Variants in SCML4 observed in about 807,000 individuals in gnomAD.
SCML4 encodes sex comb on midleg-like protein 4.
SCML4 carries 34 observed loss-of-function variants against 41.1 expected under a neutral mutation model. The observed-to-expected ratio is 0.83, with a 90% CI of 0.63 to 1.10. The LOEUF (loss-of-function observed/expected upper bound fraction) is 1.10. SCML4 is among the 50% of genes least tolerant of loss of function. The pLI is 0.00. For synonymous variants in SCML4, 214 were observed against 220.9 expected (o/e 0.97, Z 0.28); for missense variants, 522 against 534.1 (o/e 0.98, Z 0.22).
chr6:107,831,260 G>T, the SCML4 span, among the ~76,000 whole-genome samples: 3 of 152,016 alleles, frequency 2.0e-5, no homozygotes, highest in African/African-American at 7.2e-5. Context: ...CTAGAATAAA[G>T]ATGTTGATCA....
chr6:107,775,645 T>C (rs1301507506), intron 1 of SCML4, among the ~76,000 whole-genome samples: 1 of 152,212 alleles, frequency 6.6e-6, no homozygotes. Context: ...ATAAGATTAT[T>C]TTATTTTGGG....
At chr6:107,742,382 T>C (rs1777666021) in intron 5 of SCML4, among the ~76,000 whole-genome samples, 1 of 152,068 alleles carries the variant, frequency 6.6e-6, no homozygotes, top group Non-Finnish European at 1.5e-5. Context: ...TTCAAATAAA[T>C]AATAACAGAA....
At chr6:107,843,628 C>A in the SCML4 span, among the ~76,000 whole-genome samples, 1,054 of 152,300 alleles carry the variant, frequency 6.9e-3, 7 homozygotes, top group Middle Eastern at 0.014. Flanking sequence ...CTGGCCCTGC[C>A]GGTAACATTT....
chr6:107,795,958 C>T (rs184476789), intron 1 of SCML4, among the ~76,000 whole-genome samples: 1 of 152,338 alleles, frequency 6.6e-6, no homozygotes, highest in Non-Finnish European at 1.5e-5. Context: ...TACCCTTTTG[C>T]ATCTGGCTTT....
Position 107,707,286 on chromosome 6 carries a change from C to T in SCML4, c.1119+580G>A, listed in dbSNP as rs550673618. Among the ~76,000 whole-genome samples, 12 of 152,118 alleles carry T rather than the reference C, an allele frequency of 7.9e-5. 1 individual carries two copies. The highest frequency in any genetic ancestry group is 6.2e-4 in the South Asian group (3 of 4,814). ...TCGCACTACTGCATTCCAGCCTGGG[C>T]GACAGAATGAGACTCCGTCTCAAAC... On this transcript the variant is annotated intron_variant, in intron 7 of 7. Coordinates refer to ENST00000369020, the MANE Select transcript of SCML4 (RefSeq NM_198081.5).
chr6:107,759,368 A>ATACACACATACATAC (rs61536006), intron 2 of SCML4, among the ~76,000 whole-genome samples: 1 of 149,010 alleles, frequency 6.7e-6, no homozygotes, highest in Non-Finnish European at 1.5e-5. Flanking sequence ...TACATACATA[A>ATACACACATACATAC]GGCTGCTGTT....
chr6:107,810,774 C>T (rs959384607), intron 1 of SCML4, among the ~76,000 whole-genome samples: 1 of 152,040 alleles, frequency 6.6e-6, no homozygotes, highest in Non-Finnish European at 1.5e-5. Context: ...ATATTGAAGT[C>T]GTAACTCCCA....
chr6:107,808,412 G>A (rs1450642277), intron 1 of SCML4, among the ~76,000 whole-genome samples: 2 of 150,350 alleles, frequency 1.3e-5, no homozygotes, highest in African/African-American at 5.0e-5. Context: ...GAAGAGTGCT[G>A]GTTTGTTTTT....
At chr6:107,802,750 G>A (rs924162319) in intron 1 of SCML4, among the ~76,000 whole-genome samples, 5 of 121,652 alleles carry the variant, frequency 4.1e-5, no homozygotes, top group Non-Finnish European at 6.5e-5. Context: ...CTCTCCCCAC[G>A]GTCTCCCTCT....
At chr6:107,827,246 A>C (rs1785293128), upstream of SCML4, among the ~76,000 whole-genome samples, 1 of 145,866 alleles carries the variant, frequency 6.9e-6, no homozygotes, top group Admixed American at 6.8e-5. Flanking sequence ...ATTTAAATAT[A>C]TTTACATTTT....
chr6:107,835,763 CAAAA>C, the SCML4 span, among the ~76,000 whole-genome samples: 1 of 86,376 alleles, frequency 1.2e-5, no homozygotes, highest in African/African-American at 4.8e-5. Context: ...GACCCCATCT[CAAAA>C]AAAAAAAAAA....
intron 3 of SCML4, among the ~76,000 whole-genome samples, chr6:107,747,717 T>C (rs1033595463): frequency 2.0e-5 from 3 of 152,092 alleles, no homozygotes; most frequent in Non-Finnish European, 2.9e-5. Context: ...TTATGAATTT[T>C]GCAATTAAAG....
intron 5 of SCML4, among the ~76,000 whole-genome samples, chr6:107,729,786 A>C (rs1443192389): frequency 6.6e-6 from 1 of 152,240 alleles, no homozygotes; most frequent in African/African-American, 2.4e-5. Flanking sequence ...GTGGTAAATT[A>C]ATATTTGGAA....
In SCML4 at chr6:107,768,894, T is replaced by C. The variant is rs548420592; in HGVS notation, c.156+3278A>G. ...TGAAATCCCACTATTAGAGGCATTA[T>C]AACCAGCTGGCTCAACAGAATGGAA... On this transcript the variant is annotated intron_variant, in intron 2 of 7. Transcript: ENST00000369020. Among the ~76,000 whole-genome samples, 18 of 152,328 alleles carry C rather than the reference T, an allele frequency of 1.2e-4. No homozygotes were observed. In the South Asian group the frequency reaches 3.5e-3, roughly 30 times the overall value.
At chr6:107,818,390 A>G (rs1004576004) in intron 1 of SCML4, among the ~76,000 whole-genome samples, 2 of 152,168 alleles carry the variant, frequency 1.3e-5, no homozygotes, top group Admixed American at 1.3e-4. Context: ...ACAGAAATCT[A>G]TTCCCCCAGT....
At chr6:107,713,768 G>A (rs552479518) in intron 6 of SCML4, among the ~76,000 whole-genome samples, 57 of 152,150 alleles carry the variant, frequency 3.7e-4, no homozygotes, top group Non-Finnish European at 6.0e-4. Flanking sequence ...TGGGAGGACC[G>A]GGGCTGGCAA....
rs75496926 is a variant in SCML4, at chr6:107,754,229, G to A, written c.157-4416C>T. On this transcript the variant is annotated intron_variant, in intron 2 of 7. Transcript: ENST00000369020. Reference sequence around the variant, plus strand: ...AACTATAATTAACAATAGAGATTTCGTCTTATTCTGAGTGTCACATTTCAA... The same window carrying A: ...AACTATAATTAACAATAGAGATTTCATCTTATTCTGAGTGTCACATTTCAA... Among the ~76,000 whole-genome samples, 797 of 152,316 alleles carry A rather than the reference G, an allele frequency of 5.2e-3. 11 individuals carry two copies. In the East Asian group the frequency reaches 0.064, roughly 12 times the overall value.
At chr6:107,829,200 G>C (rs1785331339), upstream of SCML4, among the ~76,000 whole-genome samples, 1 of 151,972 alleles carries the variant, frequency 6.6e-6, no homozygotes, top group South Asian at 2.1e-4. Context: ...GGCAACATGG[G>C]AGACCTTGTC....
At chr6:107,755,036 C>T (rs930122096) in intron 2 of SCML4, among the ~76,000 whole-genome samples, 3 of 151,634 alleles carry the variant, frequency 2.0e-5, no homozygotes, top group Non-Finnish European at 2.9e-5. Flanking sequence ...CCCAGGAGAT[C>T]GAGGCTGCAG....
Sources: allele counts gnomAD v4.1 joint callset (sites outside exome capture counted in the v4.1 genomes callset), GRCh38; gene constraint gnomAD v4.1.1; transcripts MANE v1.5; gene names NCBI Gene and HGNC (gene_info 2026-07-23, HGNC 2026-07-21).